The following MYCBP2 variants were observed in gnomAD, a reference collection of about 807,000 sequenced individuals.
MYCBP2 encodes the protein E3 ubiquitin-protein ligase MYCBP2.
Under a neutral mutation model 525.3 loss-of-function variants are expected in MYCBP2, and 120 were observed. That is an observed-to-expected ratio of 0.23 (90% CI 0.20 to 0.27). The LOEUF (loss-of-function observed/expected upper bound fraction) is 0.27. Ranked by LOEUF, MYCBP2 falls within the 10% of genes least tolerant of loss-of-function variation. The probability of loss-of-function intolerance (pLI) is 1.00; values close to 1 mark genes in which losing one functional copy is unlikely to be tolerated. For missense variants in MYCBP2, 4,149 were observed against 5,657.1 expected (o/e 0.73, Z 8.55); for synonymous variants, 1,894 against 1,955.8 (o/e 0.97, Z 0.83).
intron 17 of MYCBP2, among the ~76,000 whole-genome samples, chr13:77,242,786 T>A (rs1342198820): frequency 6.6e-6 from 1 of 152,230 alleles, no homozygotes; most frequent in Non-Finnish European, 1.5e-5. Flanking sequence ...AGTAGGCAGA[T>A]GGCACAGTTC....
At chr13:77,067,468 G>A (rs2040401969) in intron 71 of MYCBP2, 113 bp downstream of exon 71, 5 of 1,103,736 alleles carry the variant, frequency 4.5e-6, no homozygotes, top group African/African-American at 1.6e-5. Flanking sequence ...AGTTGTTTAT[G>A]GATTTTATTT....
chr13:77,061,737 A>G lies in MYCBP2; in HGVS notation c.12828T>C (p.Asn4276=), dbSNP rs1216312311. Residue 4276 remains asparagine (N), a synonymous_variant, in exon 75 of 83, where the codon AAT becomes AAC. Coordinates refer to ENST00000544440, the MANE Select transcript of MYCBP2 (RefSeq NM_015057.5). Reference sequence around the variant, plus strand: ...AGTCTGTACATAAATTTCCACAGACATTGCATAAAATGATTGCTGCAGTTT... The same window carrying G: ...AGTCTGTACATAAATTTCCACAGACGTTGCATAAAATGATTGCTGCAGTTT... The part of the protein sequence containing the change: ...DGETAAIILC[N]VCGNLCTDCD... 2.5e-6 allele frequency: 4 copies of G among 1,610,934 alleles called. No homozygotes were observed. Among genetic ancestry groups the G allele is most frequent in the Non-Finnish European group, 3.4e-6 (4 of 1,178,152 alleles).
chr13:77,251,388 A>G (rs1255839338), intron 14 of MYCBP2, 33 bp from the exon 15 acceptor site: 4 of 1,580,456 alleles, frequency 2.5e-6, no homozygotes, highest in Non-Finnish European at 2.6e-6. Context: ...ATTTTTATAC[A>G]GGTTACTTTC....
chr13:77,218,354 T>A (rs1022545601), intron 20 of MYCBP2, among the ~76,000 whole-genome samples: 1 of 152,156 alleles, frequency 6.6e-6, no homozygotes, highest in African/African-American at 2.4e-5. Context: ...AGGAACTAGA[T>A]GAAATAATTT....
intron 38 of MYCBP2, among the ~76,000 whole-genome samples, chr13:77,171,209 T>C (rs548676731): frequency 6.6e-6 from 1 of 152,312 alleles, no homozygotes; most frequent in South Asian, 2.1e-4. Context: ...TTTTGATTAC[T>C]AAAAGAAGAA....
At chr13:77,154,685 T>C (rs542067374) in intron 46 of MYCBP2, among the ~76,000 whole-genome samples, 4 of 152,210 alleles carry the variant, frequency 2.6e-5, no homozygotes, top group East Asian at 1.9e-4. Flanking sequence ...ACTCACTACA[T>C]TGAGAAATTC....
At chr13:77,166,280 A>G in intron 41 of MYCBP2, 49 bp downstream of exon 41, 1 of 1,311,648 alleles carries the variant, frequency 7.6e-7, no homozygotes, top group Non-Finnish European at 1.1e-6. Context: ...CTAAATATAC[A>G]TAAATGCACT....
chr13:77,089,490 T>C (rs1458123598), intron 60 of MYCBP2, among the ~76,000 whole-genome samples: 2 of 152,124 alleles, frequency 1.3e-5, no homozygotes, highest in East Asian at 3.9e-4. Flanking sequence ...CATCTGACTA[T>C]AATTTTTAGG....
chr13:77,171,605 T>C lies in MYCBP2; in HGVS notation c.5681A>G (p.Gln1894Arg). The change falls in exon 38 of 83, where the codon CAA becomes CGA. Residue 1894 changes from glutamine to arginine, a missense_variant. Physicochemically the swap from Gln to Arg is conservative, Grantham distance 43. This residue lies in a region of MYCBP2 where 692 missense variants were observed against 852.7 expected (regional missense o/e 0.81). Transcript: ENST00000544440. The stretch of plus-strand genomic sequence containing the variant: ...TTCTTCATTGGCTTTACTCAGAAGT[T>C]GGGATTGTAAATCTCCATCAAATTC... ...RSEFDGDLQS[Q>R]LLSKANEEDK... 6.2e-7 allele frequency: 1 copy of C among 1,614,152 alleles called. No individual in the cohort carries two copies. Among genetic ancestry groups the C allele is most frequent in the Non-Finnish European group, 8.5e-7 (1 of 1,180,010 alleles).
chr13:77,078,286 T>C (rs1161048021), intron 66 of MYCBP2, among the ~76,000 whole-genome samples: 1 of 152,194 alleles, frequency 6.6e-6, no homozygotes, highest in African/African-American at 2.4e-5. Context: ...TGAGATAAAG[T>C]AGCCAGTGAG....
intron 7 of MYCBP2, 80 bp downstream of exon 7, chr13:77,269,912 T>C: frequency 9.9e-7 from 1 of 1,012,798 alleles, no homozygotes; most frequent in Non-Finnish European, 1.5e-6. Flanking sequence ...TAAATAGAAG[T>C]GATATTACTG....
chr13:77,301,926 T>C (rs1380513038), intron 1 of MYCBP2, among the ~76,000 whole-genome samples: 3 of 152,152 alleles, frequency 2.0e-5, no homozygotes, highest in South Asian at 2.1e-4. Flanking sequence ...CATATGATTT[T>C]AAAAGCAGAG....
intron 68 of MYCBP2, among the ~76,000 whole-genome samples, chr13:77,073,004 GT>G (rs1390008893): frequency 1.3e-5 from 2 of 152,140 alleles, no homozygotes; most frequent in African/African-American, 2.4e-5. Context: ...TTGAGATATA[GT>G]TCACATACCA....
chr13:77,266,828 G>A (rs189328686), intron 8 of MYCBP2, among the ~76,000 whole-genome samples: 110 of 148,198 alleles, frequency 7.4e-4, no homozygotes, highest in African/African-American at 2.3e-3. Context: ...TAAGTCATCC[G>A]CTTTCCAAAG....
At chr13:77,068,878 A>T in intron 69 of MYCBP2, 47 bp from the exon 70 acceptor site, 2 of 1,565,708 alleles carry the variant, frequency 1.3e-6, no homozygotes, top group Non-Finnish European at 1.7e-6. Flanking sequence ...GGTTAGTTTG[A>T]TTTACTACTC....
intron 59 of MYCBP2, 139 bp downstream of exon 59, chr13:77,093,026 T>C (rs2045692345): frequency 1.3e-6 from 1 of 741,444 alleles, no homozygotes; most frequent in Non-Finnish European, 2.2e-6. Context: ...CATACATGTA[T>C]GCTTTTTCTT....
intron 55 of MYCBP2, among the ~76,000 whole-genome samples, chr13:77,106,880 A>G (rs1247996153): frequency 1.3e-5 from 2 of 152,122 alleles, no homozygotes; most frequent in African/African-American, 4.8e-5. Flanking sequence ...CAGTTCTTCA[A>G]TCTTCATCCT....
intron 17 of MYCBP2, among the ~76,000 whole-genome samples, chr13:77,240,796 C>T (rs1488154008): frequency 1.5e-4 from 23 of 151,962 alleles, no homozygotes; most frequent in Admixed American, 1.5e-3. Context: ...AATTTTAGTG[C>T]CATGGAAAGC....
At chr13:77,238,205 T>G (rs922691887) in intron 17 of MYCBP2, among the ~76,000 whole-genome samples, 1 of 132,016 alleles carries the variant, frequency 7.6e-6, no homozygotes, top group Non-Finnish European at 1.5e-5. Flanking sequence ...ATAGCACCAC[T>G]GCACTCCAGC....
Sources: allele counts gnomAD v4.1 joint callset (sites outside exome capture counted in the v4.1 genomes callset), GRCh38; gene constraint gnomAD v4.1.1; regional missense constraint gnomAD v4.1.1; transcripts MANE v1.5; gene names NCBI Gene and HGNC (gene_info 2026-07-23, HGNC 2026-07-21).